PTH2R: variants seen among roughly 807,000 people sequenced by gnomAD.
The protein encoded by PTH2R is PTH2 receptor.
Under a neutral mutation model 60.3 loss-of-function variants are expected in PTH2R, and 59 were observed. That is an observed-to-expected ratio of 0.98 (90% confidence interval 0.79 to 1.22). PTH2R has a LOEUF of 1.22. Among genes scored for constraint, PTH2R ranks in the 50% most tolerant of loss-of-function variants. The pLI is 0.00. For synonymous variants in PTH2R, 256 were observed against 243.8 expected (o/e 1.05, Z -0.47); for missense variants, 749 against 682.6 (o/e 1.10, Z -1.08).
rs890618614 is a variant in PTH2R, at chr2:208,420,051, C to T, written c.76-8150C>T. On this transcript the variant is annotated intron_variant, in intron 1 of 12. Transcript: ENST00000272847. Reference sequence around the variant, plus strand: ...ATTGCAAGGACAAAAAACCAAACACCGCATGTTCTCACTTATAGGTGGGAA... The same window carrying T: ...ATTGCAAGGACAAAAAACCAAACACTGCATGTTCTCACTTATAGGTGGGAA... 9.9e-5 allele frequency among the ~76,000 whole-genome samples: 15 copies of T among 151,928 alleles called. No homozygotes were observed. In the East Asian group the frequency reaches 1.4e-3, roughly 14 times the overall value.
intron 1 of PTH2R, among the ~76,000 whole-genome samples, chr2:208,379,928 C>G (rs755193564): frequency 1.3e-5 from 2 of 151,648 alleles, no homozygotes; most frequent in Non-Finnish European, 2.9e-5. Flanking sequence ...GATTCCTAAT[C>G]TCCAGAATAG....
chr2:208,481,218 CCTTT>C, intron 10 of PTH2R, 54 bp downstream of exon 10: 1 of 1,144,664 alleles, frequency 8.7e-7, no homozygotes, highest in Admixed American at 2.8e-5. Flanking sequence ...CTATTTCTTT[CCTTT>C]TTTTTTTTTT....
At chr2:208,472,193 G>A (rs1366749905) in intron 9 of PTH2R, among the ~76,000 whole-genome samples, 1 of 152,170 alleles carries the variant, frequency 6.6e-6, no homozygotes, top group Non-Finnish European at 1.5e-5. Flanking sequence ...TTGCTGAAAT[G>A]AGTTAAGGCT....
rs183641223 is a variant in PTH2R, at chr2:208,385,800, A to G, written c.-259+25563A>G. Among the ~76,000 whole-genome samples the G allele has an allele frequency of 4.1e-3, 628 of 152,372 alleles. 6 individuals are homozygous for G. Among genetic ancestry groups the G allele is most frequent in the Non-Finnish European group, 5.5e-3 (375 of 68,034 alleles). On this transcript the variant is annotated intron_variant, in intron 1 of 12. Coordinates refer to the PTH2R transcript ENST00000617735. The stretch of plus-strand genomic sequence containing the variant: ...GACTTAGACACAGAATAAAACACAG[A>G]AGATAAGAAAACCAACTTTGAAAGA...
chr2:208,433,901 G>A (rs972136160), intron 2 of PTH2R, among the ~76,000 whole-genome samples: 1 of 152,136 alleles, frequency 6.6e-6, no homozygotes, highest in Non-Finnish European at 1.5e-5. Context: ...ATAATTAATG[G>A]TGCTAATTTA....
At chr2:208,365,925 GATAAATATATAT>G (rs1310056540) in intron 1 of PTH2R, among the ~76,000 whole-genome samples, 74 of 52,940 alleles carry the variant, frequency 1.4e-3, no homozygotes, top group African/African-American at 5.3e-3. Flanking sequence ...TAATATAATA[GATAAATATATAT>G]ATATATATAT....
intron 1 of PTH2R, among the ~76,000 whole-genome samples, chr2:208,388,185 G>A (rs1378778670): frequency 1.3e-5 from 2 of 151,128 alleles, no homozygotes; most frequent in Non-Finnish European, 2.9e-5. Flanking sequence ...GCGTGGTGGC[G>A]GTCACCTGTA....
intron 9 of PTH2R, among the ~76,000 whole-genome samples, chr2:208,466,883 A>T (rs1702765192): frequency 1.3e-5 from 2 of 152,138 alleles, no homozygotes; most frequent in Admixed American, 6.5e-5. Context: ...GTGCAGAGGC[A>T]TTTTAGTTTA....
intron 2 of PTH2R, among the ~76,000 whole-genome samples, chr2:208,434,086 G>T (rs1243088399): frequency 2.0e-5 from 3 of 152,150 alleles, no homozygotes; most frequent in African/African-American, 7.2e-5. Flanking sequence ...GGCTGAGGCG[G>T]GTGGATCACC....
intron 10 of PTH2R, among the ~76,000 whole-genome samples, chr2:208,481,500 C>T (rs1258915439): frequency 6.6e-6 from 1 of 152,088 alleles, no homozygotes; most frequent in Non-Finnish European, 1.5e-5. Context: ...TATGAGCCAC[C>T]ATACCCGGCC....
At chr2:208,478,797 G>A (rs1297083369) in intron 9 of PTH2R, among the ~76,000 whole-genome samples, 1 of 151,884 alleles carries the variant, frequency 6.6e-6, no homozygotes, top group African/African-American at 2.4e-5. Flanking sequence ...CTGCATTAAG[G>A]CCCTGCCGCT....
At chr2:208,383,608 TATTTATCTAA>T (rs756885151) in intron 1 of PTH2R, among the ~76,000 whole-genome samples, 81 of 152,346 alleles carry the variant, frequency 5.3e-4, no homozygotes, top group African/African-American at 1.9e-3. Context: ...AACACTTGGC[TATTTATCTAA>T]ATCTCTTCTG....
chr2:208,394,470 C>T (rs111751122), intron 1 of PTH2R, among the ~76,000 whole-genome samples: 3 of 152,318 alleles, frequency 2.0e-5, no homozygotes, highest in Admixed American at 6.5e-5. Flanking sequence ...TCCCTGGTTC[C>T]TGGATCCTGG....
intron 1 of PTH2R, among the ~76,000 whole-genome samples, chr2:208,419,367 GTTGT>G (rs1701705443): frequency 6.6e-6 from 1 of 152,196 alleles, no homozygotes; most frequent in African/African-American, 2.4e-5. Flanking sequence ...TTTTGATGGG[GTTGT>G]TTGTTTTTTT....
intron 8 of PTH2R, among the ~76,000 whole-genome samples, chr2:208,454,528 G>A (rs1246632004): frequency 6.6e-6 from 1 of 152,164 alleles, no homozygotes; most frequent in Non-Finnish European, 1.5e-5. Context: ...CAAGAAGAGA[G>A]GTCTCACCAG....
At chr2:208,490,614 G>T (rs753987656) in intron 11 of PTH2R, 25 bp from the exon 12 acceptor site, 24 of 1,602,230 alleles carry the variant, frequency 1.5e-5, no homozygotes, top group Non-Finnish European at 2.0e-5. Context: ...GTTGGCAGTG[G>T]GCTGACTTTC....
At chr2:208,380,332 T>G (rs76674506) in intron 1 of PTH2R, among the ~76,000 whole-genome samples, 1,576 of 152,236 alleles carry the variant, frequency 0.01, 37 homozygotes, top group African/African-American at 0.037. Context: ...TGATGGTATC[T>G]GAATTAACAG....
chr2:208,417,651 G>A lies in PTH2R; in HGVS notation c.75+10533G>A, dbSNP rs185782218. On this transcript the variant is annotated intron_variant, in intron 1 of 12. Transcript: ENST00000272847. ...CACTGCAACCTCCTCCCGGATTAAA[G>A]CGATTCTCCTGCCTCAGCCTCCCGA... 7.7e-4 allele frequency among the ~76,000 whole-genome samples: 110 copies of A among 143,056 alleles called. 3 individuals carry two copies. The East Asian group carries it at 0.023, about 30-fold the overall frequency. 93.9% of individuals were successfully genotyped at this position (143,056 alleles called of 152,430 possible). A position where few individuals can be genotyped will look rare whatever the true frequency, so the allele number is the denominator to read the frequency against.
intron 2 of PTH2R, among the ~76,000 whole-genome samples, chr2:208,434,125 C>T (rs1246320555): frequency 1.3e-5 from 2 of 152,018 alleles, no homozygotes; most frequent in Non-Finnish European, 2.9e-5. Context: ...ACCAGCCTGA[C>T]CAATATGGTG....
Sources: gnomAD v4.1 joint callset for allele counts (sites outside exome capture counted in the v4.1 genomes callset) on GRCh38, gnomAD v4.1.1 for gene constraint, MANE v1.5 for transcripts, NCBI Gene and HGNC (gene_info 2026-07-23, HGNC 2026-07-21) for gene names.